The following CFAP65 variants were observed in gnomAD, a reference collection of about 807,000 sequenced individuals.
CFAP65 encodes cilia- and flagella-associated protein 65.
A neutral mutation model predicts 208.0 loss-of-function variants in CFAP65; 155 were observed. The ratio of observed to expected loss-of-function variants is 0.75; its 90% CI spans 0.65 to 0.85. The LOEUF (loss-of-function observed/expected upper bound fraction) is 0.85, where lower values mean the gene tolerates loss of function less well. Among genes scored for constraint, CFAP65 ranks in the 40% least tolerant of loss-of-function variants. The pLI, the probability that CFAP65 is intolerant of heterozygous loss-of-function variation, is 0.00. For synonymous variants in CFAP65, 970 were observed against 986.3 expected (o/e 0.98, Z 0.31); for missense variants, 2,294 against 2,451.3 (o/e 0.94, Z 1.36).
Position 219,027,743 on chromosome 2 carries a change from G to A in CFAP65, c.2118C>T (p.Pro706=). The A allele has an allele frequency of 6.2e-7, 1 of 1,614,118 alleles. No individual in the cohort carries two copies. The part of the protein sequence containing the change: ...FWVTPESCDV[P]PLKSMAMRLH... Reference sequence around the variant, plus strand: ...GGCGCATGGCCATGGACTTGAGTGGGGGCACGTCGCAGCTCTCTGGAGTCA... The same window carrying A: ...GGCGCATGGCCATGGACTTGAGTGGAGGCACGTCGCAGCTCTCTGGAGTCA... The change falls in exon 13 of 35, where the codon CCC becomes CCT. Residue 706 remains proline (P), a synonymous_variant. Coordinates refer to ENST00000341552, the MANE Select transcript of CFAP65 (RefSeq NM_194302.4).
intron 5 of CFAP65, chr2:219,034,996 CA>C (rs759098902): frequency 7.9e-5 from 19 of 239,828 alleles, no homozygotes; most frequent in Non-Finnish European, 1.4e-4. Flanking sequence ...CAAGCCTCCG[CA>C]ATTCTACTCC....
intron 5 of CFAP65, 89 bp downstream of exon 5, chr2:219,035,391 T>G (rs758422540): frequency 6.2e-7 from 1 of 1,611,054 alleles, no homozygotes; most frequent in Non-Finnish European, 8.5e-7. Flanking sequence ...GTTAAAGGTT[T>G]TTTTTGTTTG....
At chr2:219,018,042 C>T (rs1448234729) in intron 21 of CFAP65, among the ~76,000 whole-genome samples, 3 of 152,182 alleles carry the variant, frequency 2.0e-5, no homozygotes, top group Non-Finnish European at 4.4e-5. Flanking sequence ...GCTGCTAGTG[C>T]CCATCTGATG....
intron 10 of CFAP65, 133 bp downstream of exon 10, chr2:219,029,853 G>C (rs1452529079): frequency 2.7e-6 from 3 of 1,107,570 alleles, no homozygotes; most frequent in Non-Finnish European, 3.9e-6. Flanking sequence ...TTCCCCACAG[G>C]GCCACCAGGG....
rs746712806 is a variant in CFAP65 at position 219,038,338 on chromosome 2, C to A, written c.357+37G>T. ...CCACCCATGCCCCGCCCTGGCCCTG[C>A]CACACCCTGCTCTGCCTGCCCTGGC... On this transcript the variant is annotated intron_variant, in intron 4 of 34. Transcript: ENST00000341552. 2.7e-5 allele frequency: 43 copies of A among 1,607,010 alleles called. 1 individual carries two copies. In the South Asian group the frequency reaches 4.5e-4, roughly 17 times the overall value.
Position 219,019,655 on chromosome 2 carries a change from A to C in CFAP65, c.3324T>G (p.Leu1108=). 1 of 1,613,774 alleles carries C rather than the reference A, an allele frequency of 6.2e-7. No homozygotes were observed. The highest frequency in any genetic ancestry group is 8.5e-7 in the Non-Finnish European group (1 of 1,180,038). Residue 1108 remains leucine (L), a synonymous_variant, in exon 20 of 35, where the codon CTT becomes CTG. Transcript: ENST00000341552. ...CVSLVAVYPL[L]SILDVSSMGS... is the part of the protein sequence containing the mutation. ...CCATGGAGCTGACATCCAGGATGGAAAGCAAGGGGTACACGGCCACCAGGG... is the reference window on the plus strand; with the variant it reads ...CCATGGAGCTGACATCCAGGATGGACAGCAAGGGGTACACGGCCACCAGGG...
At chr2:219,013,748 G>A in intron 22 of CFAP65, 120 bp downstream of exon 22, 1 of 1,151,918 alleles carries the variant, frequency 8.7e-7, no homozygotes, top group Non-Finnish European at 1.3e-6. Flanking sequence ...TCCTCTGCAG[G>A]TGAGAAGGTG....
At chr2:219,036,714 G>T (rs1948387676) in intron 4 of CFAP65, among the ~76,000 whole-genome samples, 1 of 152,180 alleles carries the variant, frequency 6.6e-6, no homozygotes, top group Non-Finnish European at 1.5e-5. Context: ...AAAGAGCTGG[G>T]ATTACAGGTG....
In CFAP65 at chr2:219,030,183, A is replaced by G; in HGVS notation, c.1187T>C (p.Ile396Thr). 6.2e-7 allele frequency: 1 copy of G among 1,614,012 alleles called. No individual in the cohort carries two copies. ...GTCTTCGGCCAGTTCATCCGGGGAA[A>G]TTTCAATCCTGAAGGGGGCATTTAC... is the stretch of plus-strand genomic sequence containing the variant. ...SAVNAPFRIEISPDELAEDQA... is the reference protein window; with the variant it reads ...SAVNAPFRIETSPDELAEDQA... Residue 396 changes from isoleucine to threonine, a missense_variant, in exon 10 of 35, where the codon ATT (isoleucine) becomes ACT (threonine). By Grantham distance (89) the Ile-to-Thr change is moderately conservative. Transcript: ENST00000341552.
chr2:219,013,330 A>G lies in CFAP65; in HGVS notation c.3886T>C (p.Tyr1296His). Reference sequence around the variant, plus strand: ...TGGGTAGTAGAGGTGAAGTGCACATACTTCTGCTCCGGCTTCACTGTCACA... The same window carrying G: ...TGGGTAGTAGAGGTGAAGTGCACATGCTTCTGCTCCGGCTTCACTGTCACA... The part of the protein sequence containing the change: ...IGVTVKPEQK[Y>H]VHFTSTTHQF... Residue 1296 changes from tyrosine (Y) to histidine (H), a missense_variant, in exon 24 of 35, where the codon TAT (tyrosine) becomes CAT (histidine). Transcript: ENST00000341552. 1 of 1,614,000 alleles carries G rather than the reference A, an allele frequency of 6.2e-7. No homozygotes were observed.
In CFAP65 at chr2:219,032,374, G is replaced by T; in HGVS notation, c.645+96C>A. 9.4e-7 allele frequency: 1 copy of T among 1,061,676 alleles called. No individual in the cohort carries two copies. The highest frequency in any genetic ancestry group is 1.4e-6 in the Non-Finnish European group (1 of 730,060). The allele number at this position is 1,061,676 out of a possible 1,614,324, so 65.8% of individuals were successfully genotyped here. A position where few individuals can be genotyped will look rare whatever the true frequency, so the allele number is the denominator to read the frequency against. ...CTGCTGGAGCGGGCAGCATGTGTGTGTGCCGGGGCGCTCCTGGTTGCTCTG... is the reference window on the plus strand; with the variant it reads ...CTGCTGGAGCGGGCAGCATGTGTGTTTGCCGGGGCGCTCCTGGTTGCTCTG... On this transcript the variant is annotated intron_variant, in intron 6 of 34. Coordinates refer to ENST00000341552, the MANE Select transcript of CFAP65 (RefSeq NM_194302.4). The surrounding 1 kb of genome is among the most constrained non-coding windows in gnomAD (Gnocchi z 5.5).
chr2:219,035,409 T>C (rs1261876004), intron 5 of CFAP65, 71 bp downstream of exon 5: 1 of 1,613,444 alleles, frequency 6.2e-7, no homozygotes, highest in Non-Finnish European at 8.5e-7. Flanking sequence ...TTGTTTTGTT[T>C]TGTTTTGAAG....
At chr2:219,007,895 T>C (rs915142787) in intron 29 of CFAP65, among the ~76,000 whole-genome samples, 1 of 151,932 alleles carries the variant, frequency 6.6e-6, no homozygotes, top group African/African-American at 2.4e-5. Context: ...CTCCGCTCAC[T>C]GCAACCTCCG....
intron 4 of CFAP65, 59 bp from the exon 5 acceptor site, chr2:219,035,723 C>G: frequency 1.3e-6 from 2 of 1,541,220 alleles, no homozygotes; most frequent in Non-Finnish European, 1.7e-6. Flanking sequence ...GGTGGGATGC[C>G]AAGACCCAGA....
At chr2:219,035,779 CA>C in intron 4 of CFAP65, 115 bp from the exon 5 acceptor site, 1 of 1,472,152 alleles carries the variant, frequency 6.8e-7, no homozygotes, top group Non-Finnish European at 8.9e-7. Context: ...AAATAAAAGA[CA>C]AGAAGAAAAA....
upstream of CFAP65, chr2:219,041,543 C>T (rs1196320304): frequency 6.4e-7 from 1 of 1,550,466 alleles, no homozygotes; most frequent in Non-Finnish European, 8.7e-7. Context: ...ACGGCGTCTT[C>T]AGATATCCCA....
chr2:219,029,026 A>G (rs1173752752), intron 11 of CFAP65, among the ~76,000 whole-genome samples: 1 of 152,190 alleles, frequency 6.6e-6, no homozygotes, highest in East Asian at 1.9e-4. Context: ...TCTCTGCCCT[A>G]TGCATGCTAT....
rs1574499889 is a variant in CFAP65, at chr2:219,003,331, C to G, written c.5556-59G>C. 6.8e-7 allele frequency: 1 copy of G among 1,470,562 alleles called. No individual in the cohort carries two copies. The highest frequency in any genetic ancestry group is 2.5e-5 in the Admixed American group (1 of 39,906). 91.1% of individuals were successfully genotyped at this position (1,470,562 alleles called of 1,614,324 possible). A position where few individuals can be genotyped will look rare whatever the true frequency, so the allele number is the denominator to read the frequency against. On this transcript the variant is annotated intron_variant, in intron 33 of 34. Transcript: ENST00000341552. This position sits in a 1 kb window ranked among gnomAD's most constrained non-coding sequence, Gnocchi z 4.4. ...CGCAGTGCCCGCGCGCCTCCTCGCT[C>G]GCCTGTCCGTGCGGTACATTGTGCC...
At position 219,027,681 on chromosome 2, in the gene CFAP65, G is replaced by T; in HGVS notation, c.2180C>A (p.Thr727Lys). ...FQPPHPNCLYTVELEAFAIYK... is the reference protein window; with the variant it reads ...FQPPHPNCLYKVELEAFAIYK... ...GATGGCGAAGGCTTCGAGCTCCACC[G>T]TGTAAAGGCAGTTGGGGTGAGGCGG... The change falls in exon 13 of 35, where the codon ACG (threonine) becomes AAG (lysine). Residue 727 changes from threonine to lysine, a missense_variant. This residue lies in a region of CFAP65 where 867 missense variants were observed against 1,012.6 expected (regional missense o/e 0.86). Coordinates refer to ENST00000341552, the MANE Select transcript of CFAP65 (RefSeq NM_194302.4). 1 of 1,614,044 alleles carries T rather than the reference G, an allele frequency of 6.2e-7. No homozygotes were observed. Among genetic ancestry groups the T allele is most frequent in the Non-Finnish European group, 8.5e-7 (1 of 1,180,042 alleles).
Sources: allele counts gnomAD v4.1 joint callset (sites outside exome capture counted in the v4.1 genomes callset), GRCh38; gene constraint gnomAD v4.1.1; regional missense constraint gnomAD v4.1.1; non-coding constraint Gnocchi (gnomAD v3.1); transcripts MANE v1.5; gene names NCBI Gene and HGNC (gene_info 2026-07-23, HGNC 2026-07-21).